Variants in SYN3 observed in about 807,000 individuals in gnomAD.
SYN3 encodes the protein synapsin III.
In SYN3, 35 loss-of-function variants were observed where a neutral mutation model predicts 65.8. The observed-to-expected ratio is 0.53, with a 90% CI of 0.41 to 0.70. The LOEUF is 0.70. Among genes scored for constraint, SYN3 ranks in the 30% least tolerant of loss-of-function variants. The pLI is 0.00. For missense variants in SYN3, 680 were observed against 749.0 expected, an observed-to-expected ratio of 0.91 and a Z score of 1.08; for synonymous variants, 270 against 292.9, an observed-to-expected ratio of 0.92 and a Z score of 0.80.
At chr22:32,579,709 C>T (rs148426136) in intron 7 of SYN3, among the ~76,000 whole-genome samples, 6 of 152,276 alleles carry the variant, frequency 3.9e-5, no homozygotes, top group African/African-American at 9.6e-5. Context: ...TTGCCCCAGC[C>T]GCTTGGGTCA....
chr22:32,688,428 G>A (rs1321058961), intron 6 of SYN3, among the ~76,000 whole-genome samples: 1 of 152,176 alleles, frequency 6.6e-6, no homozygotes, highest in African/African-American at 2.4e-5. Flanking sequence ...GAATGTTACT[G>A]GGTTAATATC....
chr22:32,745,637 C>T (rs1466506745), intron 6 of SYN3, among the ~76,000 whole-genome samples: 1 of 152,148 alleles, frequency 6.6e-6, no homozygotes, highest in East Asian at 1.9e-4. Flanking sequence ...TATTTGGCAC[C>T]TCCAAGTACC....
chr22:32,681,061 A>T (rs1407029121), intron 6 of SYN3, among the ~76,000 whole-genome samples: 1 of 152,196 alleles, frequency 6.6e-6, no homozygotes, highest in Non-Finnish European at 1.5e-5. Flanking sequence ...GGGAGGTGGG[A>T]GCTTGCCTGG....
At chr22:32,967,058 G>C (rs998431477) in intron 3 of SYN3, among the ~76,000 whole-genome samples, 10 of 152,214 alleles carry the variant, frequency 6.6e-5, no homozygotes, top group African/African-American at 2.4e-4. Context: ...GGAACTCATA[G>C]TACCTGTTCA....
chr22:32,544,100 G>A (rs899541449), intron 7 of SYN3, among the ~76,000 whole-genome samples: 1 of 152,100 alleles, frequency 6.6e-6, no homozygotes, highest in Non-Finnish European at 1.5e-5. Flanking sequence ...CACCATGCCC[G>A]GCTAGTTTTT....
intron 6 of SYN3, among the ~76,000 whole-genome samples, chr22:32,694,232 C>T (rs1462753800): frequency 6.6e-6 from 1 of 152,106 alleles, no homozygotes; most frequent in Non-Finnish European, 1.5e-5. Flanking sequence ...ATTCTACATC[C>T]ACAGACTCTC....
intron 4 of SYN3, among the ~76,000 whole-genome samples, chr22:32,930,114 G>A (rs183745267): frequency 3.9e-5 from 6 of 152,260 alleles, no homozygotes; most frequent in Non-Finnish European, 8.8e-5. Context: ...TGAATTAGTT[G>A]AATTATCATA....
chr22:32,865,527 G>T (rs558635308), intron 5 of SYN3, among the ~76,000 whole-genome samples: 2 of 152,170 alleles, frequency 1.3e-5, no homozygotes, highest in African/African-American at 2.4e-5. Flanking sequence ...TGGGATTGTT[G>T]TAAGGATACA....
rs78470753 is a variant in SYN3, at chr22:32,711,273, C to T, written c.712-114537G>A. Among the ~76,000 whole-genome samples the T allele has an allele frequency of 1.9e-3, 291 of 152,240 alleles. 2 individuals are homozygous for T. Among genetic ancestry groups the T allele is most frequent in the African/African-American group, 6.7e-3 (280 of 41,530 alleles). On this transcript the variant is annotated intron_variant, in intron 6 of 13. Transcript: ENST00000358763. ...ATCGAACCAGGAGTGGATACCTGGC[C>T]CTAGGATGTCTAATGACTTGGCATG...
chr22:32,713,306 T>G (rs1038067652), intron 6 of SYN3, among the ~76,000 whole-genome samples: 7 of 152,226 alleles, frequency 4.6e-5, no homozygotes, highest in Non-Finnish European at 1.0e-4. Context: ...CACTGTAGGC[T>G]TTGTAGAAAC....
chr22:32,875,775 G>T (rs755494695), intron 4 of SYN3, among the ~76,000 whole-genome samples: 1 of 152,144 alleles, frequency 6.6e-6, no homozygotes, highest in Non-Finnish European at 1.5e-5. Context: ...GGCAAGGAAG[G>T]ATCCTCCCCT....
At chr22:32,531,376 C>T (rs565443243) in intron 10 of SYN3, among the ~76,000 whole-genome samples, 4 of 152,010 alleles carry the variant, frequency 2.6e-5, no homozygotes, top group Non-Finnish European at 5.9e-5. Context: ...CCCTGCCAAC[C>T]CCATTTTATT....
intron 2 of SYN3, among the ~76,000 whole-genome samples, chr22:32,985,265 A>C (rs562076885): frequency 6.6e-6 from 1 of 152,340 alleles, no homozygotes; most frequent in Admixed American, 6.5e-5. Flanking sequence ...AACAGAATCC[A>C]CAAGAGCAAA....
intron 6 of SYN3, among the ~76,000 whole-genome samples, chr22:32,642,650 G>A (rs956206308): frequency 2.0e-5 from 3 of 151,812 alleles, no homozygotes; most frequent in Middle Eastern, 3.4e-3. Context: ...CCGTGGTCTC[G>A]ATCTCCTGAC....
At chr22:32,873,568 T>C (rs1454334752) in intron 4 of SYN3, among the ~76,000 whole-genome samples, 1 of 152,146 alleles carries the variant, frequency 6.6e-6, no homozygotes, top group Non-Finnish European at 1.5e-5. Flanking sequence ...ACAGAGCCCA[T>C]GCGGAAATCC....
chr22:32,979,612 C>A (rs77681435), intron 3 of SYN3, among the ~76,000 whole-genome samples: 59 of 152,144 alleles, frequency 3.9e-4, no homozygotes, highest in Non-Finnish European at 7.2e-4. Flanking sequence ...TTACTGTTTG[C>A]CTTTGATGAT....
chr22:33,057,423 T>C (rs2054271896), intron 1 of SYN3: 1 of 152,202 alleles, frequency 6.6e-6, no homozygotes, highest in Non-Finnish European at 1.5e-5. Context: ...ACCTTTTCAG[T>C]TTCTTTACCT....
At chr22:32,625,475 C>G (rs1485593704) in intron 6 of SYN3, among the ~76,000 whole-genome samples, 1 of 152,190 alleles carries the variant, frequency 6.6e-6, no homozygotes, top group Non-Finnish European at 1.5e-5. Context: ...GTTTGCCATC[C>G]CCAGCCCAGA....
At chr22:32,603,493 C>G (rs1402691440) in intron 6 of SYN3, among the ~76,000 whole-genome samples, 1 of 148,760 alleles carries the variant, frequency 6.7e-6, no homozygotes, top group Non-Finnish European at 1.5e-5. Flanking sequence ...GCACTCCAGC[C>G]TGGGCGACAG....
Sources: allele counts gnomAD v4.1 joint callset (sites outside exome capture counted in the v4.1 genomes callset), GRCh38; gene constraint gnomAD v4.1.1; transcripts MANE v1.5; gene names NCBI Gene and HGNC (gene_info 2026-07-23, HGNC 2026-07-21).